The following ITGA9 variants were observed in gnomAD, a reference collection of about 807,000 sequenced individuals.
The protein encoded by ITGA9 is integrin subunit alpha 9, also known as integrin alpha-9.
Under a neutral mutation model 127.8 loss-of-function variants are expected in ITGA9, and 56 were observed. The observed-to-expected ratio is 0.44, with a 90% CI of 0.35 to 0.55. The LOEUF (loss-of-function observed/expected upper bound fraction) is 0.55. Among genes scored for constraint, ITGA9 ranks in the 20% least tolerant of loss-of-function variants. ITGA9 has a pLI of 0.00. For missense variants in ITGA9, 1,196 were observed against 1,347.1 expected (o/e 0.89, Z 1.76); for synonymous variants, 508 against 514.5 (o/e 0.99, Z 0.17).
chr3:37,773,944 C>T (rs902781307), intron 23 of ITGA9, among the ~76,000 whole-genome samples: 1 of 152,150 alleles, frequency 6.6e-6, no homozygotes, highest in African/African-American at 2.4e-5. Flanking sequence ...ATGTTTCACA[C>T]AATAATTTTA....
intron 18 of ITGA9, among the ~76,000 whole-genome samples, chr3:37,688,694 AC>A (rs1700802818): frequency 6.6e-6 from 1 of 151,644 alleles, no homozygotes; most frequent in South Asian, 2.1e-4. Flanking sequence ...CCCAGGAATC[AC>A]CCCCACCCCC....
chr3:37,592,689 ACGAAGCCAGG>A (rs1559544271), intron 15 of ITGA9, among the ~76,000 whole-genome samples: 4 of 152,090 alleles, frequency 2.6e-5, no homozygotes, highest in Non-Finnish European at 5.9e-5. Flanking sequence ...ATGTAGGGGG[ACGAAGCCAGG>A]AGTCCAAGGA....
At chr3:37,571,045 G>A (rs1699594965) in intron 15 of ITGA9, among the ~76,000 whole-genome samples, 1 of 152,246 alleles carries the variant, frequency 6.6e-6, no homozygotes, top group East Asian at 1.9e-4. Flanking sequence ...CCCTTTAGGA[G>A]TGGTAATTTA....
At chr3:37,602,798 C>T (rs1387742568) in intron 15 of ITGA9, among the ~76,000 whole-genome samples, 3 of 152,092 alleles carry the variant, frequency 2.0e-5, no homozygotes, top group Non-Finnish European at 4.4e-5. Flanking sequence ...ATGGGTGCCA[C>T]CATTCCTCTG....
intron 18 of ITGA9, among the ~76,000 whole-genome samples, chr3:37,725,510 A>G (rs1696178667): frequency 1.3e-5 from 2 of 152,188 alleles, no homozygotes; most frequent in Admixed American, 6.5e-5. Context: ...GGAAGTTAAG[A>G]TTGAAGGAGA....
At chr3:37,740,110 G>A (rs1696415458) in intron 20 of ITGA9, among the ~76,000 whole-genome samples, 1 of 152,180 alleles carries the variant, frequency 6.6e-6, no homozygotes. Flanking sequence ...GAAGGAGAGG[G>A]GATGTGAGAG....
At chr3:37,636,330 G>C (rs1230729420) in intron 16 of ITGA9, among the ~76,000 whole-genome samples, 1 of 152,156 alleles carries the variant, frequency 6.6e-6, no homozygotes, top group East Asian at 1.9e-4. Flanking sequence ...CATTCTAACT[G>C]GTGTGAGATG....
intron 23 of ITGA9, among the ~76,000 whole-genome samples, chr3:37,775,628 A>G (rs1696897443): frequency 6.9e-6 from 1 of 144,794 alleles, no homozygotes; most frequent in African/African-American, 2.5e-5. Flanking sequence ...CCTGGGCAAC[A>G]GTGAGCGACT....
At chr3:37,748,747 TAAAAAAAA>T in intron 22 of ITGA9, 1 of 450,796 alleles carries the variant, frequency 2.2e-6, no homozygotes, top group South Asian at 2.3e-5. Flanking sequence ...GACTCTGTCT[TAAAAAAAA>T]AAAAAAAAAA....
In ITGA9 at chr3:37,674,480, A is replaced by G. The variant is rs184024676; in HGVS notation, c.1917-9385A>G. ...CATGAACTTGTGCTTGCTGACATGT[A>G]TATCTTCTTCAGTTGGTCCCTAGTG... On this transcript the variant is annotated intron_variant, in intron 17 of 27. Coordinates refer to ENST00000264741, the MANE Select transcript of ITGA9 (RefSeq NM_002207.3). 2.8e-4 allele frequency among the ~76,000 whole-genome samples: 43 copies of G among 152,322 alleles called. No individual in the cohort carries two copies. The East Asian group carries it at 6.7e-3, about 24-fold the overall frequency.
chr3:37,807,973 T>C (rs948553390), intron 27 of ITGA9: 25 of 152,272 alleles, frequency 1.6e-4, no homozygotes, highest in Admixed American at 1.3e-3. Flanking sequence ...GTGTTGGGCT[T>C]TCTGAGTGAG....
At chr3:37,647,640 C>T (rs1397880176) in intron 16 of ITGA9, among the ~76,000 whole-genome samples, 1 of 152,120 alleles carries the variant, frequency 6.6e-6, no homozygotes, top group Non-Finnish European at 1.5e-5. Context: ...CTACCCCCTC[C>T]CCGACCCCTG....
intron 4 of ITGA9, among the ~76,000 whole-genome samples, chr3:37,486,327 T>G (rs1698610187): frequency 6.6e-6 from 1 of 152,236 alleles, no homozygotes; most frequent in South Asian, 2.1e-4. Context: ...GGAATCTGGC[T>G]TTACTACTCA....
chr3:37,517,268 T>G (rs1198955561), intron 9 of ITGA9, among the ~76,000 whole-genome samples: 1 of 152,124 alleles, frequency 6.6e-6, no homozygotes, highest in Non-Finnish European at 1.5e-5. Context: ...GACATTCTCC[T>G]TCCCTCAAAA....
chr3:37,504,985 G>A (rs537980087), intron 6 of ITGA9, among the ~76,000 whole-genome samples: 98 of 152,314 alleles, frequency 6.4e-4, no homozygotes, highest in African/African-American at 2.2e-3. Context: ...AGCAGGAGAC[G>A]TTGAGGCTAA....
intron 17 of ITGA9, among the ~76,000 whole-genome samples, chr3:37,666,403 C>T (rs1192029407): frequency 6.6e-6 from 1 of 152,234 alleles, no homozygotes; most frequent in African/African-American, 2.4e-5. Context: ...AACCAGCCAC[C>T]ATTTGTTTAG....
chr3:37,526,453 C>T (rs1431965334), intron 13 of ITGA9, among the ~76,000 whole-genome samples: 1 of 152,220 alleles, frequency 6.6e-6, no homozygotes, highest in Non-Finnish European at 1.5e-5. Context: ...TGCTGGGAAG[C>T]ACTGTTCATT....
At chr3:37,752,365 C>G (rs904554771) in intron 23 of ITGA9, among the ~76,000 whole-genome samples, 3 of 152,170 alleles carry the variant, frequency 2.0e-5, no homozygotes, top group African/African-American at 7.2e-5. Flanking sequence ...GGAGGTGACC[C>G]TTTGGCCTGG....
rs1325456599 is a variant in ITGA9, at chr3:37,684,018, A to G, written c.2067+3A>G. The G allele has an allele frequency of 6.8e-6, 11 of 1,612,806 alleles. No homozygotes were observed. The highest frequency in any genetic ancestry group is 8.5e-6 in the Non-Finnish European group (10 of 1,179,488). ...TCTTCATCAACATGTGGCAGAAGGTAAGGAGGGCATCCCTGTAAAAAGAGC... is the reference window on the plus strand; with the variant it reads ...TCTTCATCAACATGTGGCAGAAGGTGAGGAGGGCATCCCTGTAAAAAGAGC... On this transcript the variant is annotated splice_donor_region_variant and intron_variant, in intron 18 of 27. Transcript: ENST00000264741.
Sources: allele counts gnomAD v4.1 joint callset (sites outside exome capture counted in the v4.1 genomes callset), GRCh38; gene constraint gnomAD v4.1.1; transcripts MANE v1.5; gene names NCBI Gene and HGNC (gene_info 2026-07-23, HGNC 2026-07-21).